Variants in DNAJB6 observed in about 807,000 individuals in gnomAD.
The protein encoded by DNAJB6 is DnaJ heat shock protein family (Hsp40) member B6.
Under a neutral mutation model 42.7 loss-of-function variants are expected in DNAJB6, and 16 were observed. The observed-to-expected ratio is 0.37, with a 90% CI of 0.25 to 0.57. The LOEUF (loss-of-function observed/expected upper bound fraction) is 0.57, where lower values mean the gene tolerates loss of function less well. Ranked by LOEUF, DNAJB6 falls within the 20% of genes least tolerant of loss-of-function variation. DNAJB6 has a pLI of 0.74. For missense variants in DNAJB6, 347 were observed against 416.8 expected, an observed-to-expected ratio of 0.83 and a Z score of 1.46; for synonymous variants, 170 against 163.5, an observed-to-expected ratio of 1.04 and a Z score of -0.30.
intron 6 of DNAJB6, 106 bp downstream of exon 6, chr7:157,382,483 C>G: frequency 7.9e-7 from 1 of 1,259,906 alleles, no homozygotes; most frequent in East Asian, 2.6e-5. Context: ...GTATACCTTT[C>G]GTAGAATAGC....
At chr7:157,384,580 A>T (rs766773353) in intron 6 of DNAJB6, among the ~76,000 whole-genome samples, 6 of 152,230 alleles carry the variant, frequency 3.9e-5, no homozygotes, top group Non-Finnish European at 8.8e-5. Flanking sequence ...TGTCTTTGGC[A>T]TGTCAGAAAA....
chr7:157,414,916 G>A (rs1439260223), intron 9 of DNAJB6: 1 of 152,360 alleles, frequency 6.6e-6, no homozygotes, highest in Non-Finnish European at 1.5e-5. Context: ...CGTCAGCTGG[G>A]TGTGGAATGC....
intron 1 of DNAJB6, among the ~76,000 whole-genome samples, chr7:157,347,889 G>A (rs565203187): frequency 1.8e-4 from 27 of 152,160 alleles, no homozygotes; most frequent in African/African-American, 5.8e-4. Flanking sequence ...TCTGCCTCCC[G>A]GGCTCAAGCG....
chr7:157,403,646 T>A (rs997877356), intron 8 of DNAJB6, among the ~76,000 whole-genome samples: 1 of 152,114 alleles, frequency 6.6e-6, no homozygotes, highest in Non-Finnish European at 1.5e-5. Context: ...TGTAGCCACC[T>A]TCTTTAGGAA....
intron 1 of DNAJB6, among the ~76,000 whole-genome samples, chr7:157,356,830 A>G (rs187329175): frequency 6.6e-6 from 1 of 152,370 alleles, no homozygotes; most frequent in African/African-American, 2.4e-5. Context: ...TGTAGTTGGC[A>G]TATTAAACTT....
intron 9 of DNAJB6, chr7:157,410,249 C>A: frequency 3.4e-6 from 3 of 879,278 alleles, no homozygotes; most frequent in Non-Finnish European, 4.8e-6. Flanking sequence ...GCGTGTTGCT[C>A]CGCAAAGGAT....
chr7:157,340,162 C>G (rs547068292), intron 1 of DNAJB6: 2 of 152,300 alleles, frequency 1.3e-5, no homozygotes, highest in South Asian at 2.1e-4. Context: ...ATTTTTACTT[C>G]TTAGTATTTA....
chr7:157,415,651 G>A, intron 9 of DNAJB6: 1 of 236,336 alleles, frequency 4.2e-6, no homozygotes, highest in South Asian at 5.6e-5. Flanking sequence ...GCGGAACTGG[G>A]GTAGGTCCCA....
chr7:157,363,233 C>G lies in DNAJB6; in HGVS notation c.138C>G (p.Phe46Leu). The change falls in exon 3 of 10, where the codon TTC becomes TTG. Residue 46 changes from phenylalanine (F) to leucine (L), a missense_variant. By Grantham distance (22) the Phe-to-Leu change is conservative (BLOSUM62 0). Transcript: ENST00000262177. The stretch of plus-strand genomic sequence containing the variant: ...ATAAAGAAGAAGCAGAGAGAAAATT[C>G]AAGCAAGTAGCGGAGGCATATGAAG... ...PENKEEAERK[F>L]KQVAEAYEVL... The G allele has an allele frequency of 6.2e-7, 1 of 1,611,362 alleles. No homozygotes were observed. The highest frequency in any genetic ancestry group is 8.5e-7 in the Non-Finnish European group (1 of 1,178,886).
At chr7:157,369,984 T>C (rs1221835632) in intron 5 of DNAJB6, among the ~76,000 whole-genome samples, 1 of 148,932 alleles carries the variant, frequency 6.7e-6, no homozygotes, top group Non-Finnish European at 1.5e-5. Context: ...AACATTATTA[T>C]TAAACAGGCC....
chr7:157,352,114 G>A (rs1584886759), intron 1 of DNAJB6, among the ~76,000 whole-genome samples: 2 of 152,028 alleles, frequency 1.3e-5, no homozygotes, highest in African/African-American at 4.8e-5. Context: ...AGCGGATAAC[G>A]AGGTCAGGAG....
chr7:157,405,263 G>A (rs547810791), intron 8 of DNAJB6, among the ~76,000 whole-genome samples: 1 of 152,334 alleles, frequency 6.6e-6, no homozygotes, highest in African/African-American at 2.4e-5. Flanking sequence ...ATGTCCTGGG[G>A]GCTCTTTGCC....
At chr7:157,410,865 C>CGT (rs1185394226) in intron 9 of DNAJB6, 1 of 152,154 alleles carries the variant, frequency 6.6e-6, no homozygotes, top group East Asian at 1.9e-4. Flanking sequence ...AAGGGGGAAG[C>CGT]GTCTCTCCTT....
chr7:157,342,896 T>TAAG lies in DNAJB6; in HGVS notation c.-27+5754_-27+5755insGAA, dbSNP rs544120341. On this transcript the variant is annotated intron_variant, in intron 1 of 9. Coordinates refer to ENST00000262177, the MANE Select transcript of DNAJB6 (RefSeq NM_058246.4). Reference sequence around the variant, plus strand: ...CAGAAATATTTTAGGACATACTGGATAATGAAATAAGTAGGTGATGTGTGT... The same window carrying TAAG: ...CAGAAATATTTTAGGACATACTGGATAAGAATGAAATAAGTAGGTGATGTGTGT... Among the ~76,000 whole-genome samples, 643 of 152,190 alleles carry TAAG rather than the reference T, an allele frequency of 4.2e-3. 5 individuals are homozygous for TAAG. The highest frequency in any genetic ancestry group is 0.015 in the African/African-American group (613 of 41,522).
chr7:157,414,534 T>G (rs80288961), intron 9 of DNAJB6: 6,039 of 152,414 alleles, frequency 0.04, 172 homozygotes, highest in Non-Finnish European at 0.057. Context: ...CTGTTCGTTC[T>G]TTCTTTCCGT....
chr7:157,367,240 T>G (rs746856290), intron 4 of DNAJB6, 133 bp from the exon 5 acceptor site: 419 of 641,118 alleles, frequency 6.5e-4, no homozygotes, highest in Admixed American at 1.8e-3. Context: ...TTTTGAATTA[T>G]AGAGAACTTC....
intron 8 of DNAJB6, among the ~76,000 whole-genome samples, chr7:157,390,792 C>T (rs886678027): frequency 3.3e-5 from 5 of 152,106 alleles, no homozygotes; most frequent in African/African-American, 1.2e-4. Context: ...AGATGTGGCT[C>T]CTGAGGCCTG....
intron 5 of DNAJB6, among the ~76,000 whole-genome samples, chr7:157,376,027 G>A (rs1431706468): frequency 6.6e-6 from 1 of 152,184 alleles, no homozygotes; most frequent in Non-Finnish European, 1.5e-5. Context: ...GCCGCGGCTG[G>A]GAGTGTGCTG....
intron 8 of DNAJB6, among the ~76,000 whole-genome samples, chr7:157,389,954 C>T (rs921434410): frequency 5.3e-5 from 8 of 152,206 alleles, no homozygotes; most frequent in Non-Finnish European, 1.0e-4. Flanking sequence ...CCCCTGACTG[C>T]GCTTTGCCCT....
Sources: allele counts gnomAD v4.1 joint callset (sites outside exome capture counted in the v4.1 genomes callset), GRCh38; gene constraint gnomAD v4.1.1; transcripts MANE v1.5; gene names NCBI Gene and HGNC (gene_info 2026-07-23, HGNC 2026-07-21).